The following CFAP61 variants were observed in gnomAD, a reference collection of about 807,000 sequenced individuals.
CFAP61 encodes the protein cilia- and flagella-associated protein 61.
In CFAP61, 107 loss-of-function variants were observed where a neutral mutation model predicts 135.6. The observed-to-expected ratio is 0.79, with a 90% CI of 0.67 to 0.93. The LOEUF is 0.93. Ranked by LOEUF, CFAP61 falls within the 40% of genes least tolerant of loss-of-function variation. The pLI, the probability that CFAP61 is intolerant of heterozygous loss-of-function variation, is 0.00. For synonymous variants in CFAP61, 575 were observed against 578.5 expected, an observed-to-expected ratio of 0.99 and a Z score of 0.09; for missense variants, 1,507 against 1,556.2, an observed-to-expected ratio of 0.97 and a Z score of 0.53.
intron 17 of CFAP61, among the ~76,000 whole-genome samples, chr20:20,218,426 C>T (rs1344005876): frequency 6.6e-6 from 1 of 151,274 alleles, no homozygotes; most frequent in Admixed American, 6.6e-5. Flanking sequence ...AATTAAACCT[C>T]TTTCTTTTAT....
Position 20,075,540 on chromosome 20 carries a change from CGT to C in CFAP61, c.492_493del (p.Tyr165Ter). 3 of 1,614,030 alleles carry C rather than the reference CGT, an allele frequency of 1.9e-6. No individual in the cohort carries two copies. Among genetic ancestry groups the C allele is most frequent in the Non-Finnish European group, 2.5e-6 (3 of 1,179,888 alleles). On this transcript the variant is annotated frameshift_variant, in exon 6 of 27. Coordinates refer to ENST00000245957, the MANE Select transcript of CFAP61 (RefSeq NM_015585.4). LOFTEE classifies it high-confidence loss of function. Reference sequence around the variant, plus strand: ...CAAGTGGGGAACATCCCGTGTCTGACGTATGAGGAAGACTTTGCAGTGCATAT... The same window carrying C: ...CAAGTGGGGAACATCCCGTGTCTGACATGAGGAAGACTTTGCAGTGCATAT...
At chr20:20,263,950 A>G (rs924204757) in intron 21 of CFAP61, among the ~76,000 whole-genome samples, 1 of 152,106 alleles carries the variant, frequency 6.6e-6, no homozygotes, top group East Asian at 1.9e-4. Context: ...GTAAAATTAA[A>G]CATGCTAATT....
At position 20,077,930 on chromosome 20, in the gene CFAP61, T is replaced by C. The variant is rs1345189241; in HGVS notation, c.566+2315T>C. ...AAAATATGCCTGACTCTTAGTTAAT[T>C]CTCTCTTGGATCAGGAAAAATGCCT... On this transcript the variant is annotated intron_variant, in intron 6 of 26. Coordinates refer to ENST00000245957, the MANE Select transcript of CFAP61 (RefSeq NM_015585.4). Among the ~76,000 whole-genome samples the C allele has an allele frequency of 2.6e-5, 4 of 152,186 alleles. No homozygotes were observed. The East Asian group carries it at 7.7e-4, about 29-fold the overall frequency.
At chr20:20,330,466 G>T (rs2122303001) in intron 25 of CFAP61, among the ~76,000 whole-genome samples, 1 of 152,266 alleles carries the variant, frequency 6.6e-6, no homozygotes, top group South Asian at 2.1e-4. Flanking sequence ...CTCCTGAGTA[G>T]TTGGGATTAC....
At chr20:20,183,814 T>C (rs2055296525) in intron 13 of CFAP61, among the ~76,000 whole-genome samples, 1 of 152,232 alleles carries the variant, frequency 6.6e-6, no homozygotes, top group Non-Finnish European at 1.5e-5. Context: ...ACATTTCAAG[T>C]GTACAGGCTC....
intron 6 of CFAP61, among the ~76,000 whole-genome samples, chr20:20,076,304 A>C (rs1263230073): frequency 1.3e-5 from 2 of 152,188 alleles, no homozygotes; most frequent in Non-Finnish European, 2.9e-5. Flanking sequence ...CTCTGGAGGA[A>C]GCCAGCCATA....
chr20:20,058,987 A>G (rs2044581292), intron 2 of CFAP61, among the ~76,000 whole-genome samples: 1 of 152,232 alleles, frequency 6.6e-6, no homozygotes, highest in African/African-American at 2.4e-5. Flanking sequence ...CAATGAATAT[A>G]AAATAACTAT....
At chr20:20,156,585 T>G (rs2052925674) in intron 9 of CFAP61, among the ~76,000 whole-genome samples, 1 of 152,036 alleles carries the variant, frequency 6.6e-6, no homozygotes, top group African/African-American at 2.4e-5. Context: ...AAAGGAATAA[T>G]TAAGACTATC....
intron 25 of CFAP61, among the ~76,000 whole-genome samples, chr20:20,335,918 G>A (rs1218812114): frequency 1.3e-5 from 2 of 152,188 alleles, no homozygotes; most frequent in African/African-American, 4.8e-5. Flanking sequence ...CTATGGGTAG[G>A]ACCTAGTTCA....
intron 21 of CFAP61, among the ~76,000 whole-genome samples, chr20:20,266,236 A>G (rs2052734561): frequency 6.6e-6 from 1 of 152,242 alleles, no homozygotes; most frequent in East Asian, 1.9e-4. Flanking sequence ...GACTTTGGGT[A>G]TATGATACTT....
chr20:20,171,675 A>G (rs1301073970), intron 13 of CFAP61: 4 of 478,836 alleles, frequency 8.4e-6, no homozygotes, highest in Non-Finnish European at 1.1e-5. Context: ...TATGTAATGC[A>G]TTAACAAAGA....
chr20:20,276,811 G>A (rs1279135422), intron 21 of CFAP61, among the ~76,000 whole-genome samples: 2 of 152,182 alleles, frequency 1.3e-5, no homozygotes, highest in Non-Finnish European at 2.9e-5. Flanking sequence ...GGAAGAACTA[G>A]TATACATTGC....
chr20:20,222,646 A>G (rs1322054805), intron 17 of CFAP61, among the ~76,000 whole-genome samples: 4 of 152,208 alleles, frequency 2.6e-5, no homozygotes, highest in African/African-American at 9.6e-5. Context: ...TGGTATTCAT[A>G]TCATACTTTT....
intron 9 of CFAP61, among the ~76,000 whole-genome samples, chr20:20,154,112 A>G (rs1023380942): frequency 6.6e-6 from 1 of 152,148 alleles, no homozygotes; most frequent in Non-Finnish European, 1.5e-5. Flanking sequence ...AAATCATATT[A>G]TCATCTCAAA....
intron 8 of CFAP61, among the ~76,000 whole-genome samples, chr20:20,132,178 T>G (rs2050584768): frequency 6.6e-6 from 1 of 152,270 alleles, no homozygotes; most frequent in Non-Finnish European, 1.5e-5. Flanking sequence ...TGTGTATTAT[T>G]TGTTCTGTGC....
chr20:20,183,158 CTT>C (rs10610282), intron 13 of CFAP61, among the ~76,000 whole-genome samples: 133,983 of 149,538 alleles, frequency 0.9, 60,728 homozygotes, highest in Middle Eastern at 0.99. Flanking sequence ...CTTTTCTTTT[CTT>C]TTTTTTTTTT....
chr20:20,140,718 A>C (rs1393138806), intron 8 of CFAP61, among the ~76,000 whole-genome samples: 2 of 43,182 alleles, frequency 4.6e-5, no homozygotes, highest in African/African-American at 2.0e-4. Context: ...TACTGGGTAT[A>C]TACCCAAAGG....
intron 9 of CFAP61, among the ~76,000 whole-genome samples, chr20:20,152,459 T>C (rs2146778036): frequency 6.6e-6 from 1 of 152,322 alleles, no homozygotes; most frequent in East Asian, 1.9e-4. Flanking sequence ...CAATCAAGTA[T>C]CTGCTGTCTT....
At position 20,091,298 on chromosome 20, in the gene CFAP61, T is replaced by C. The variant is rs577064477; in HGVS notation, c.699+322T>C. On this transcript the variant is annotated intron_variant, in intron 7 of 26. Coordinates refer to ENST00000245957, the MANE Select transcript of CFAP61 (RefSeq NM_015585.4). ...ATCCCCAAATCTCAGACTTCAGAAG[T>C]CACAAACCAGCGTTCTGCTGGCAGA... Among the ~76,000 whole-genome samples the C allele has an allele frequency of 2.6e-5, 4 of 152,224 alleles. No individual in the cohort carries two copies. In the South Asian group the frequency reaches 8.3e-4, roughly 32 times the overall value.
Sources: gnomAD v4.1 joint callset for allele counts (sites outside exome capture counted in the v4.1 genomes callset) on GRCh38, gnomAD v4.1.1 for gene constraint, MANE v1.5 for transcripts, NCBI Gene and HGNC (gene_info 2026-07-23, HGNC 2026-07-21) for gene names.